The following TDRP variants were observed in gnomAD, a reference collection of about 807,000 sequenced individuals.
The protein encoded by TDRP is testis development related protein.
TDRP carries 12 observed loss-of-function variants against 10.5 expected under a neutral mutation model. The ratio of observed to expected loss-of-function variants is 1.15; its 90% confidence interval spans 0.73 to 1.86. TDRP has a LOEUF of 1.86. TDRP is among the 40% of genes most tolerant of loss of function. The pLI, the probability that TDRP is intolerant of heterozygous loss-of-function variation, is 0.00. For missense variants in TDRP, 353 were observed against 229.2 expected (o/e 1.54, Z -3.49); for synonymous variants, 139 against 95.4 (o/e 1.46, Z -2.67).
chr8:499,200 T>C lies in TDRP; in HGVS notation c.109-4603A>G, dbSNP rs551217430. 2.6e-5 allele frequency among the ~76,000 whole-genome samples: 4 copies of C among 152,196 alleles called. No individual in the cohort carries two copies. In the South Asian group the frequency reaches 8.3e-4, roughly 32 times the overall value. ...GGAATAAGATGCCAAAAAAATAGTC[T>C]CTAGTTTATGAACTTCAAACAACGT... On this transcript the variant is annotated intron_variant, in intron 1 of 2. Transcript: ENST00000324079.
At chr8:515,661 C>G (rs1421372740) in intron 1 of TDRP, among the ~76,000 whole-genome samples, 5 of 152,178 alleles carry the variant, frequency 3.3e-5, no homozygotes, top group Non-Finnish European at 5.9e-5. Flanking sequence ...GAGGATTGGG[C>G]AGCCTCTAAC....
intron 1 of TDRP, among the ~76,000 whole-genome samples, chr8:525,282 C>T (rs756801964): frequency 6.6e-6 from 1 of 152,116 alleles, no homozygotes; most frequent in South Asian, 2.1e-4. Context: ...TTTTCACCAA[C>T]ACCAGATCTG....
intron 1 of TDRP, among the ~76,000 whole-genome samples, chr8:502,381 T>C (rs1273829178): frequency 6.6e-6 from 1 of 152,216 alleles, no homozygotes; most frequent in Non-Finnish European, 1.5e-5. Context: ...CCCGCAGCCG[T>C]GTTCACCAAA....
chr8:490,510 C>G lies in TDRP; in HGVS notation c.*1889G>C, dbSNP rs150510102. 1 of 152,362 alleles carries G rather than the reference C, an allele frequency of 6.6e-6. No homozygotes were observed. Among genetic ancestry groups the G allele is most frequent in the Admixed American group, 6.5e-5 (1 of 15,310 alleles). The allele number at this position is 152,362 out of a possible 1,614,324, so 9.4% of individuals were successfully genotyped here. ...GGAAGCGTCCCCATCTCCCCACACA[C>G]GTGATTTCCAGAGTTTCAAACACAG... On this transcript the variant is annotated 3_prime_UTR_variant, in exon 3 of 3. Transcript: ENST00000324079.
chr8:522,524 G>A (rs1476624075), intron 1 of TDRP, among the ~76,000 whole-genome samples: 1 of 152,152 alleles, frequency 6.6e-6, no homozygotes, highest in Non-Finnish European at 1.5e-5. Context: ...AAAACATGTT[G>A]TTCCTTGAAA....
intron 1 of TDRP, among the ~76,000 whole-genome samples, chr8:497,569 G>A (rs998208834): frequency 6.6e-6 from 1 of 152,154 alleles, no homozygotes; most frequent in African/African-American, 2.4e-5. Context: ...TACAAGTTTG[G>A]AAAATTTGCA....
intron 1 of TDRP, among the ~76,000 whole-genome samples, chr8:501,001 T>A (rs534700965): frequency 6.6e-6 from 1 of 152,046 alleles, no homozygotes; most frequent in African/African-American, 2.4e-5. Context: ...GGTCAGGAGA[T>A]CGAGACCATC....
intron 1 of TDRP, among the ~76,000 whole-genome samples, chr8:501,778 G>C (rs1047963885): frequency 6.6e-6 from 1 of 152,226 alleles, no homozygotes; most frequent in Non-Finnish European, 1.5e-5. Flanking sequence ...TGCAGGGCCA[G>C]CATGGGACTC....
chr8:541,812 A>C (rs897471443), intron 1 of TDRP, among the ~76,000 whole-genome samples: 1 of 152,202 alleles, frequency 6.6e-6, no homozygotes, highest in Non-Finnish European at 1.5e-5. Flanking sequence ...ATGGGAGTGC[A>C]AACTGGTGCA....
intron 1 of TDRP, among the ~76,000 whole-genome samples, chr8:508,186 C>T (rs1730134029): frequency 6.6e-6 from 1 of 152,090 alleles, no homozygotes; most frequent in Non-Finnish European, 1.5e-5. Context: ...TCAAAAAGAA[C>T]CAACTGGAAT....
At chr8:508,846 T>C (rs4735852) in intron 1 of TDRP, among the ~76,000 whole-genome samples, 60,484 of 152,132 alleles carry the variant, frequency 0.4, 12,479 homozygotes, top group Middle Eastern at 0.47. Flanking sequence ...AAGTCCCTTT[T>C]GCCTATAAGC....
upstream of TDRP, chr8:544,948 C>T (rs1237330638): frequency 1.7e-5 from 6 of 357,770 alleles, no homozygotes; most frequent in Non-Finnish European, 2.4e-5. Flanking sequence ...CAAACCCTCC[C>T]CAGGACCCGG....
intron 1 of TDRP, among the ~76,000 whole-genome samples, chr8:530,780 G>C (rs572058668): frequency 3.3e-5 from 5 of 152,190 alleles, no homozygotes; most frequent in South Asian, 4.2e-4. Context: ...GGCAAAACAG[G>C]AATCAGTCTC....
chr8:519,390 C>A lies in TDRP; in HGVS notation c.109-24793G>T, dbSNP rs186471711. Among the ~76,000 whole-genome samples the A allele has an allele frequency of 2.8e-3, 420 of 152,212 alleles. 8 individuals carry two copies. The highest frequency in any genetic ancestry group is 0.022 in the Admixed American group (331 of 15,286). ...GGACATGACAGAGAGTCATGGGAAA[C>A]CCCCACTTTAGAGTCAGCTGAGTAG... On this transcript the variant is annotated intron_variant, in intron 1 of 2. Coordinates refer to ENST00000324079, the MANE Select transcript of TDRP (RefSeq NM_001384899.1).
upstream of TDRP, among the ~76,000 whole-genome samples, chr8:545,230 C>T (rs1298173449): frequency 9.9e-5 from 14 of 141,232 alleles, no homozygotes; most frequent in African/African-American, 3.7e-4. Context: ...ACCCCGTCAC[C>T]TGGTCCCCCC....
At chr8:533,831 A>C (rs1393944069) in intron 1 of TDRP, among the ~76,000 whole-genome samples, 1 of 152,144 alleles carries the variant, frequency 6.6e-6, no homozygotes, top group Non-Finnish European at 1.5e-5. Flanking sequence ...CTTTCCTCGC[A>C]ATGTTCTAGC....
chr8:532,882 A>T (rs918615670), intron 1 of TDRP, among the ~76,000 whole-genome samples: 2 of 152,152 alleles, frequency 1.3e-5, no homozygotes, highest in African/African-American at 4.8e-5. Context: ...TTTCACCTGC[A>T]ACTGCAGAGC....
intron 1 of TDRP, among the ~76,000 whole-genome samples, chr8:519,194 G>C (rs1268832941): frequency 1.3e-5 from 2 of 152,172 alleles, no homozygotes; most frequent in Non-Finnish European, 2.9e-5. Context: ...TTCCAGGTTA[G>C]TGAACCCATC....
intron 1 of TDRP, among the ~76,000 whole-genome samples, chr8:501,999 C>T (rs1199977835): frequency 2.0e-5 from 3 of 152,192 alleles, no homozygotes; most frequent in African/African-American, 7.2e-5. Context: ...GGGGTGGTGA[C>T]GTGGTGAGGG....
Sources: allele counts gnomAD v4.1 joint callset (sites outside exome capture counted in the v4.1 genomes callset), GRCh38; gene constraint gnomAD v4.1.1; transcripts MANE v1.5; gene names NCBI Gene and HGNC (gene_info 2026-07-23, HGNC 2026-07-21).